The following RBPMS variants were observed in gnomAD, a reference collection of about 807,000 sequenced individuals.
The protein encoded by RBPMS is RNA-binding protein with multiple splicing.
RBPMS carries 7 observed loss-of-function variants against 26.8 expected under a neutral mutation model. That is an observed-to-expected ratio of 0.26 (90% confidence interval 0.15 to 0.49). RBPMS has a LOEUF of 0.49. Among genes scored for constraint, RBPMS ranks in the 20% least tolerant of loss-of-function variants. The pLI, the probability that RBPMS is intolerant of heterozygous loss-of-function variation, is 0.98. For synonymous variants in RBPMS, 96 were observed against 93.3 expected (o/e 1.03, Z -0.17); for missense variants, 186 against 250.0 (o/e 0.74, Z 1.73).
intron 4 of RBPMS, among the ~76,000 whole-genome samples, chr8:30,484,796 C>T (rs897424921): frequency 6.6e-6 from 1 of 152,048 alleles, no homozygotes; most frequent in African/African-American, 2.4e-5. Flanking sequence ...TTTTCATTTC[C>T]ATAAATTCCT....
intron 8 of RBPMS, among the ~76,000 whole-genome samples, chr8:30,569,291 C>T (rs1828107242): frequency 3.3e-5 from 5 of 152,140 alleles, no homozygotes; most frequent in Admixed American, 3.3e-4. Flanking sequence ...GCATTTGGGC[C>T]ACCTGCAAGT....
At chr8:30,463,613 G>A (rs775402951) in intron 1 of RBPMS, among the ~76,000 whole-genome samples, 4 of 152,200 alleles carry the variant, frequency 2.6e-5, no homozygotes, top group Non-Finnish European at 4.4e-5. Context: ...CACTAGAAGC[G>A]AATCACTTAA....
chr8:30,387,572 G>C (rs1302874261), intron 1 of RBPMS, among the ~76,000 whole-genome samples: 1 of 152,006 alleles, frequency 6.6e-6, no homozygotes, highest in Admixed American at 6.6e-5. Context: ...CCAGTAAACA[G>C]AACACACACA....
chr8:30,457,583 CTTTT>C (rs77253053), intron 1 of RBPMS, among the ~76,000 whole-genome samples: 2,505 of 131,638 alleles, frequency 0.019, 34 homozygotes, highest in African/African-American at 0.072. Flanking sequence ...GATTTACATT[CTTTT>C]TTTTTTTTTT....
chr8:30,465,611 A>T (rs1425490447), intron 1 of RBPMS, among the ~76,000 whole-genome samples: 1 of 152,168 alleles, frequency 6.6e-6, no homozygotes, highest in African/African-American at 2.4e-5. Context: ...ACATGGCGAA[A>T]CCCTGTCTCT....
At chr8:30,431,452 GTCTTC>G (rs891052360) in intron 1 of RBPMS, among the ~76,000 whole-genome samples, 3 of 137,478 alleles carry the variant, frequency 2.2e-5, no homozygotes, top group Non-Finnish European at 3.1e-5. Flanking sequence ...CTTCTGTCCT[GTCTTC>G]TCTTCTCTTT....
intron 1 of RBPMS, among the ~76,000 whole-genome samples, chr8:30,431,946 C>A (rs10102966): frequency 0.12 from 18,729 of 151,508 alleles, 2,638 homozygotes; most frequent in African/African-American, 0.35. Context: ...CATAGGGAGA[C>A]CCTGTCTTTA....
At chr8:30,474,376 G>A (rs1019747967) in intron 1 of RBPMS, among the ~76,000 whole-genome samples, 1 of 152,114 alleles carries the variant, frequency 6.6e-6, no homozygotes, top group Non-Finnish European at 1.5e-5. Context: ...CTGTGCTCAT[G>A]TCATTTTTTT....
chr8:30,564,595 G>C (rs2151093472), intron 7 of RBPMS: 1 of 152,654 alleles, frequency 6.6e-6, no homozygotes, highest in East Asian at 1.9e-4. Flanking sequence ...ACCAAATGCA[G>C]TGAAAACTGC....
At chr8:30,554,134 G>A (rs1826634276) in intron 6 of RBPMS, among the ~76,000 whole-genome samples, 1 of 152,200 alleles carries the variant, frequency 6.6e-6, no homozygotes, top group Admixed American at 6.5e-5. Flanking sequence ...TGAATGTGGT[G>A]CAGGGGAAAC....
At chr8:30,450,541 A>C (rs1381997981) in intron 1 of RBPMS, among the ~76,000 whole-genome samples, 1 of 152,172 alleles carries the variant, frequency 6.6e-6, no homozygotes, top group East Asian at 1.9e-4. Flanking sequence ...CCAGGTCATG[A>C]GCAAATGGCA....
At chr8:30,474,903 G>A (rs755921303) in intron 2 of RBPMS, 47 bp downstream of exon 2, 1 of 1,255,798 alleles carries the variant, frequency 8.0e-7, no homozygotes, top group Non-Finnish European at 1.2e-6. Context: ...ACAAAAGTCT[G>A]TATGCTTTCT....
At chr8:30,473,893 C>T (rs1015554576) in intron 1 of RBPMS, among the ~76,000 whole-genome samples, 11 of 152,022 alleles carry the variant, frequency 7.2e-5, no homozygotes, top group African/African-American at 2.7e-4. Context: ...AGGATGAGGG[C>T]ACAGGGACAC....
Position 30,460,996 on chromosome 8 carries a change from TGAGCC to T in RBPMS, c.67-13779_67-13775del, listed in dbSNP as rs1585544331. Among the ~76,000 whole-genome samples the T allele has an allele frequency of 2.0e-5, 3 of 149,534 alleles. No homozygotes were observed. In the East Asian group the frequency reaches 5.9e-4, roughly 30 times the overall value. ...TGAGTCTGGTAGGTGGAGTTTGTAG[TGAGCC>T]GAGATCACACCACTGCATTCCAGCC... On this transcript the variant is annotated intron_variant, in intron 1 of 8. Transcript: ENST00000397323.
intron 5 of RBPMS, among the ~76,000 whole-genome samples, chr8:30,541,127 T>C (rs1563428514): frequency 6.6e-6 from 1 of 152,224 alleles, no homozygotes; most frequent in Non-Finnish European, 1.5e-5. Flanking sequence ...AGATTCTCCT[T>C]GTTCTTCCAT....
intron 1 of RBPMS, among the ~76,000 whole-genome samples, chr8:30,455,104 T>G (rs1563334714): frequency 6.6e-6 from 1 of 152,252 alleles, no homozygotes; most frequent in African/African-American, 2.4e-5. Flanking sequence ...ATTACAGGCA[T>G]GAGCCACCAT....
At chr8:30,428,741 T>G (rs1811626656) in intron 1 of RBPMS, among the ~76,000 whole-genome samples, 1 of 152,130 alleles carries the variant, frequency 6.6e-6, no homozygotes, top group African/African-American at 2.4e-5. Flanking sequence ...TGTGAGGACC[T>G]TAAGCCATTT....
intron 6 of RBPMS, chr8:30,553,765 T>C (rs1208854419): frequency 6.6e-6 from 1 of 152,216 alleles, no homozygotes; most frequent in Non-Finnish European, 1.5e-5. Flanking sequence ...TTGTTCAAGC[T>C]ACTGTGGGTT....
intron 6 of RBPMS, among the ~76,000 whole-genome samples, chr8:30,555,600 C>T (rs1230978801): frequency 6.6e-6 from 1 of 152,176 alleles, no homozygotes; most frequent in Non-Finnish European, 1.5e-5. Context: ...TGTACACATA[C>T]GTTTTCTGCA....
Sources: allele counts gnomAD v4.1 joint callset (sites outside exome capture counted in the v4.1 genomes callset), GRCh38; gene constraint gnomAD v4.1.1; transcripts MANE v1.5; gene names NCBI Gene and HGNC (gene_info 2026-07-23, HGNC 2026-07-21).